EPHA6: variants seen among roughly 807,000 people sequenced by gnomAD.
EPHA6 encodes ephrin type-A receptor 6.
A neutral mutation model predicts 112.0 loss-of-function variants in EPHA6; 50 were observed. That is an observed-to-expected ratio of 0.45 (90% CI 0.36 to 0.56). The LOEUF is 0.56. Among genes scored for constraint, EPHA6 ranks in the 20% least tolerant of loss-of-function variants. The pLI is 0.00. For synonymous variants in EPHA6, 529 were observed against 490.7 expected (o/e 1.08, Z -1.03); for missense variants, 1,280 against 1,417.4 (o/e 0.90, Z 1.56).
intron 5 of EPHA6, among the ~76,000 whole-genome samples, chr3:97,331,463 G>A (rs1477055294): frequency 6.6e-6 from 1 of 152,092 alleles, no homozygotes; most frequent in African/African-American, 2.4e-5. Context: ...TCCAGGAACT[G>A]GTTTTTTGAA....
At chr3:97,265,505 G>A (rs748556303) in intron 5 of EPHA6, among the ~76,000 whole-genome samples, 4 of 152,200 alleles carry the variant, frequency 2.6e-5, no homozygotes, top group African/African-American at 4.8e-5. Context: ...CCTGGGCTCA[G>A]CCCCAGCCCT....
At chr3:97,382,728 CCA>C (rs2085828058) in intron 5 of EPHA6, among the ~76,000 whole-genome samples, 1 of 151,814 alleles carries the variant, frequency 6.6e-6, no homozygotes, top group African/African-American at 2.4e-5. Flanking sequence ...GTCAAATATA[CCA>C]CAGTTTTCAA....
At chr3:97,203,280 G>A (rs1317439740) in intron 3 of EPHA6, among the ~76,000 whole-genome samples, 12 of 152,050 alleles carry the variant, frequency 7.9e-5, no homozygotes, top group Non-Finnish European at 1.5e-5. Flanking sequence ...AGAAATCAAG[G>A]TAATGTGGAG....
chr3:97,131,225 G>A (rs1188732132), intron 3 of EPHA6, among the ~76,000 whole-genome samples: 2 of 152,098 alleles, frequency 1.3e-5, no homozygotes, highest in East Asian at 3.9e-4. Flanking sequence ...TGTATACAGT[G>A]GTATGTATGG....
chr3:96,986,369 T>G (rs1410396766), intron 2 of EPHA6, among the ~76,000 whole-genome samples: 6 of 152,174 alleles, frequency 3.9e-5, no homozygotes, highest in Admixed American at 3.9e-4. Flanking sequence ...TAATAAAGAC[T>G]TTTGGTTTGG....
At chr3:97,538,716 G>T (rs1449109293) in intron 11 of EPHA6, among the ~76,000 whole-genome samples, 1 of 152,146 alleles carries the variant, frequency 6.6e-6, no homozygotes, top group Admixed American at 6.5e-5. Context: ...AATGAGCTGA[G>T]AAACCAACTT....
chr3:97,750,485 TAGCTGGGATTACA>T lies in EPHA6; in HGVS notation c.*1785_*1797del, dbSNP rs1489285707. Among the ~76,000 whole-genome samples the T allele has an allele frequency of 6.6e-6, 1 of 151,888 alleles. No individual in the cohort carries two copies. The highest frequency in any genetic ancestry group is 1.5e-5 in the Non-Finnish European group (1 of 67,962). ...GATTCTCCTGCCTCAGCCACCCGAG[TAGCTGGGATTACA>T]GGCGCCTGCCACCACTCCCGGCTAA... On this transcript the variant is annotated 3_prime_UTR_variant, in exon 18 of 18. Transcript: ENST00000389672.
intron 3 of EPHA6, among the ~76,000 whole-genome samples, chr3:97,167,931 C>T (rs899778933): frequency 1.3e-5 from 2 of 151,848 alleles, no homozygotes; most frequent in African/African-American, 2.4e-5. Context: ...CAGTATTACA[C>T]AAATTAAGAT....
At chr3:97,469,167 G>T (rs2091150432) in intron 7 of EPHA6, among the ~76,000 whole-genome samples, 1 of 151,594 alleles carries the variant, frequency 6.6e-6, no homozygotes, top group Non-Finnish European at 1.5e-5. Flanking sequence ...GATGCTCCTT[G>T]AATTTTGTAG....
intron 14 of EPHA6, among the ~76,000 whole-genome samples, chr3:97,705,477 T>A (rs2033628220): frequency 6.6e-6 from 1 of 152,184 alleles, no homozygotes; most frequent in South Asian, 2.1e-4. Flanking sequence ...ACACTACATC[T>A]CTAACATTCA....
chr3:97,550,366 A>C (rs2093013108), intron 11 of EPHA6, among the ~76,000 whole-genome samples: 1 of 152,242 alleles, frequency 6.6e-6, no homozygotes, highest in African/African-American at 2.4e-5. Context: ...GTGTGGAAAT[A>C]ATGTATCTTT....
rs147461571 is a variant in EPHA6, at chr3:97,619,998, G to A, written c.2574+9144G>A. ...AAAAGAACAAAGCTGGAGGCATCATGCTACTCAACTTCAAACTATACCATA... is the reference window on the plus strand; with the variant it reads ...AAAAGAACAAAGCTGGAGGCATCATACTACTCAACTTCAAACTATACCATA... On this transcript the variant is annotated intron_variant, in intron 13 of 17. Coordinates refer to ENST00000389672, the MANE Select transcript of EPHA6 (RefSeq NM_001080448.3). Among the ~76,000 whole-genome samples, 28 of 152,146 alleles carry A rather than the reference G, an allele frequency of 1.8e-4. 1 individual carries two copies. The highest frequency in any genetic ancestry group is 3.7e-4 in the Non-Finnish European group (25 of 67,944).
At chr3:97,263,113 T>C (rs2079554578) in intron 5 of EPHA6, among the ~76,000 whole-genome samples, 1 of 152,212 alleles carries the variant, frequency 6.6e-6, no homozygotes, top group Non-Finnish European at 1.5e-5. Context: ...TAGCATTTTG[T>C]ATAAAAGTTG....
At chr3:97,334,145 A>G (rs1335424894) in intron 5 of EPHA6, among the ~76,000 whole-genome samples, 1 of 152,134 alleles carries the variant, frequency 6.6e-6, no homozygotes, top group African/African-American at 2.4e-5. Flanking sequence ...TATATGGAAG[A>G]AATCCCACCT....
chr3:97,720,670 TCTGA>T (rs2034486506), intron 15 of EPHA6, among the ~76,000 whole-genome samples: 2 of 152,168 alleles, frequency 1.3e-5, no homozygotes, highest in Admixed American at 1.3e-4. Context: ...TCTAATGAAG[TCTGA>T]CTGTGTTTGT....
At chr3:97,658,855 T>G (rs1477483448) in intron 14 of EPHA6, among the ~76,000 whole-genome samples, 1 of 151,906 alleles carries the variant, frequency 6.6e-6, no homozygotes, top group Non-Finnish European at 1.5e-5. Flanking sequence ...ATGATACATT[T>G]GTATAGGTGT....
At chr3:97,035,619 C>T (rs2045061521) in intron 3 of EPHA6, among the ~76,000 whole-genome samples, 1 of 151,800 alleles carries the variant, frequency 6.6e-6, no homozygotes, top group African/African-American at 2.4e-5. Flanking sequence ...ATTTTTGTAG[C>T]GTACTCCATA....
chr3:97,242,622 A>G (rs1301379329), intron 4 of EPHA6, among the ~76,000 whole-genome samples: 1 of 151,884 alleles, frequency 6.6e-6, no homozygotes, highest in Non-Finnish European at 1.5e-5. Context: ...CCCAAGATCT[A>G]GTAGAGTATC....
intron 5 of EPHA6, among the ~76,000 whole-genome samples, chr3:97,310,688 G>T (rs2081516471): frequency 6.6e-6 from 1 of 151,578 alleles, no homozygotes; most frequent in South Asian, 2.1e-4. Context: ...TCCTCAACAA[G>T]TGCTGATCCT....
Sources: allele counts gnomAD v4.1 joint callset (sites outside exome capture counted in the v4.1 genomes callset), GRCh38; gene constraint gnomAD v4.1.1; transcripts MANE v1.5; gene names NCBI Gene and HGNC (gene_info 2026-07-23, HGNC 2026-07-21).